NRXN3: variants seen among roughly 807,000 people sequenced by gnomAD.
NRXN3 encodes the protein neurexin 3, also known as neurexin III.
NRXN3 carries 32 observed loss-of-function variants against 137.6 expected under a neutral mutation model. The observed-to-expected ratio is 0.23, with a 90% CI of 0.18 to 0.31. NRXN3 has a LOEUF of 0.31. Among genes scored for constraint, NRXN3 ranks in the 10% least tolerant of loss-of-function variants. NRXN3 has a pLI of 1.00. For synonymous variants in NRXN3, 798 were observed against 784.5 expected (o/e 1.02, Z -0.29); for missense variants, 1,574 against 2,062.5 (o/e 0.76, Z 4.59).
chr14:79,596,903 C>CG (rs1443249651), intron 16 of NRXN3, among the ~76,000 whole-genome samples: 2 of 152,072 alleles, frequency 1.3e-5, no homozygotes, highest in African/African-American at 2.4e-5. Context: ...GCCATGCTCC[C>CG]GCTGTGTCAA....
intron 20 of NRXN3, among the ~76,000 whole-genome samples, chr14:79,855,254 C>G (rs1465569642): frequency 6.6e-6 from 1 of 152,160 alleles, no homozygotes; most frequent in Non-Finnish European, 1.5e-5. Flanking sequence ...CTTCAACATA[C>G]ATAAGATTGG....
At chr14:79,123,041 A>G (rs1013879998) in intron 15 of NRXN3, among the ~76,000 whole-genome samples, 4 of 152,168 alleles carry the variant, frequency 2.6e-5, no homozygotes, top group African/African-American at 7.2e-5. Flanking sequence ...GTATTTTTCA[A>G]TTCATCTTCA....
intron 14 of NRXN3, among the ~76,000 whole-genome samples, chr14:78,983,040 C>T (rs902226891): frequency 4.6e-5 from 7 of 152,088 alleles, no homozygotes; most frequent in African/African-American, 1.7e-4. Flanking sequence ...AAAAAATGCT[C>T]AACATCACTC....
chr14:79,832,337 G>T (rs1187941519), intron 20 of NRXN3, among the ~76,000 whole-genome samples: 1 of 152,150 alleles, frequency 6.6e-6, no homozygotes, highest in Non-Finnish European at 1.5e-5. Context: ...AGTATGGAGT[G>T]TCTCCTAAGT....
intron 4 of NRXN3, among the ~76,000 whole-genome samples, chr14:78,617,164 G>T (rs763408229): frequency 1.3e-5 from 2 of 152,132 alleles, no homozygotes; most frequent in African/African-American, 2.4e-5. Context: ...CAGGATGAAG[G>T]CTATGATTAA....
At chr14:78,545,950 A>T (rs1252081632) in intron 4 of NRXN3, among the ~76,000 whole-genome samples, 1 of 151,894 alleles carries the variant, frequency 6.6e-6, no homozygotes, top group African/African-American at 2.4e-5. Flanking sequence ...CAGTCTGATG[A>T]TATGTTATAT....
At chr14:78,486,938 C>G (rs946345496) in intron 4 of NRXN3, among the ~76,000 whole-genome samples, 1 of 152,148 alleles carries the variant, frequency 6.6e-6, no homozygotes, top group Non-Finnish European at 1.5e-5. Flanking sequence ...CTCAAGATTA[C>G]ACAGCAAAGG....
At chr14:79,097,583 C>G (rs1224769832) in intron 15 of NRXN3, among the ~76,000 whole-genome samples, 1 of 152,174 alleles carries the variant, frequency 6.6e-6, no homozygotes, top group Non-Finnish European at 1.5e-5. Context: ...TGTGGCTGAA[C>G]TGGATGAACC....
chr14:78,442,105 A>G (rs1266904835), intron 4 of NRXN3, among the ~76,000 whole-genome samples: 1 of 143,180 alleles, frequency 7.0e-6, no homozygotes, highest in Non-Finnish European at 1.5e-5. Flanking sequence ...CAAAAAGAAA[A>G]AAAAAAAAAA....
At chr14:78,713,944 C>A (rs568282345) in intron 7 of NRXN3, among the ~76,000 whole-genome samples, 13 of 152,272 alleles carry the variant, frequency 8.5e-5, no homozygotes, top group African/African-American at 3.1e-4. Flanking sequence ...ACAGCCAAAC[C>A]ATATCATTTA....
chr14:79,407,826 C>A (rs2095343212), intron 15 of NRXN3, among the ~76,000 whole-genome samples: 1 of 152,150 alleles, frequency 6.6e-6, no homozygotes, highest in African/African-American at 2.4e-5. Flanking sequence ...GGGTAGGACA[C>A]ATGTGAGTCA....
intron 19 of NRXN3, among the ~76,000 whole-genome samples, chr14:79,729,896 T>G (rs969544828): frequency 2.0e-5 from 3 of 152,146 alleles, no homozygotes; most frequent in African/African-American, 7.2e-5. Context: ...GAGGCACTAA[T>G]TGGGCTGACT....
intron 19 of NRXN3, among the ~76,000 whole-genome samples, chr14:79,772,538 A>T (rs960026882): frequency 5.4e-4 from 82 of 152,334 alleles, no homozygotes; most frequent in African/African-American, 1.9e-3. Context: ...AGGATTCCCT[A>T]TTTAATAAAT....
At chr14:79,539,775 T>A (rs190904635) in intron 16 of NRXN3, among the ~76,000 whole-genome samples, 161 of 152,322 alleles carry the variant, frequency 1.1e-3, no homozygotes, top group African/African-American at 3.7e-3. Flanking sequence ...AAGCCACTTA[T>A]AGGAGACAAT....
At chr14:79,181,335 G>C (rs1295730675) in intron 15 of NRXN3, among the ~76,000 whole-genome samples, 2 of 152,026 alleles carry the variant, frequency 1.3e-5, no homozygotes, top group African/African-American at 2.4e-5. Flanking sequence ...CTATGGTGGG[G>C]AGTAAAATTT....
At chr14:79,178,922 AC>A (rs2153119600) in intron 15 of NRXN3, among the ~76,000 whole-genome samples, 1 of 152,238 alleles carries the variant, frequency 6.6e-6, no homozygotes, top group South Asian at 2.1e-4. Context: ...TTTTCCTACC[AC>A]TCAGCATTTT....
At chr14:79,220,699 TCTTTTA>T (rs1199065602) in intron 15 of NRXN3, among the ~76,000 whole-genome samples, 2 of 152,146 alleles carry the variant, frequency 1.3e-5, no homozygotes, top group Non-Finnish European at 2.9e-5. Flanking sequence ...CAGATTGGCT[TCTTTTA>T]CTTAGTAACA....
intron 16 of NRXN3, among the ~76,000 whole-genome samples, chr14:79,507,697 A>G (rs2096891526): frequency 3.9e-5 from 6 of 152,142 alleles, no homozygotes; most frequent in Non-Finnish European, 1.5e-5. Context: ...TGCCTCAATC[A>G]AAGCCCAAAC....
At chr14:78,389,189 G>A (rs2090421550) in intron 4 of NRXN3, among the ~76,000 whole-genome samples, 2 of 151,958 alleles carry the variant, frequency 1.3e-5, no homozygotes, top group Non-Finnish European at 2.9e-5. Context: ...CCGAGTAGCT[G>A]GGATTACAGG....
Sources: gnomAD v4.1 joint callset for allele counts (sites outside exome capture counted in the v4.1 genomes callset) on GRCh38, gnomAD v4.1.1 for gene constraint, MANE v1.5 for transcripts, NCBI Gene and HGNC (gene_info 2026-07-23, HGNC 2026-07-21) for gene names.